Variants in EXOC6B observed in about 807,000 individuals in gnomAD.
EXOC6B encodes exocyst complex component 6B, also known as SEC15 homolog B.
EXOC6B carries 54 observed loss-of-function variants against 113.5 expected under a neutral mutation model. The observed-to-expected ratio is 0.48, with a 90% CI of 0.38 to 0.60. EXOC6B has a LOEUF of 0.60. Among genes scored for constraint, EXOC6B ranks in the 20% least tolerant of loss-of-function variants. EXOC6B has a pLI of 0.00. For missense variants in EXOC6B, 797 were observed against 977.5 expected (o/e 0.82, Z 2.46); for synonymous variants, 357 against 339.0 (o/e 1.05, Z -0.58).
intron 6 of EXOC6B, among the ~76,000 whole-genome samples, chr2:72,604,225 A>G (rs1670613889): frequency 6.6e-6 from 1 of 152,134 alleles, no homozygotes; most frequent in African/African-American, 2.4e-5. Flanking sequence ...AATCTCATAC[A>G]TGCCTAGAGA....
intron 18 of EXOC6B, among the ~76,000 whole-genome samples, chr2:72,393,070 GTTTT>G (rs1204784814): frequency 6.6e-6 from 1 of 151,084 alleles, no homozygotes; most frequent in Non-Finnish European, 1.5e-5. Context: ...TGAAGGTTTG[GTTTT>G]TTTGTTTGTT....
At chr2:72,804,580 C>T (rs1488864014) in intron 1 of EXOC6B, among the ~76,000 whole-genome samples, 5 of 151,788 alleles carry the variant, frequency 3.3e-5, no homozygotes, top group Admixed American at 3.3e-4. Flanking sequence ...TTATCACTTA[C>T]CCTTCATTTA....
intron 19 of EXOC6B, among the ~76,000 whole-genome samples, chr2:72,369,388 C>T (rs1273397366): frequency 1.3e-5 from 2 of 152,202 alleles, no homozygotes; most frequent in African/African-American, 2.4e-5. Flanking sequence ...AAGAACATTT[C>T]GTGCTCATGG....
At chr2:72,797,569 T>C (rs1045876395) in intron 1 of EXOC6B, among the ~76,000 whole-genome samples, 1 of 152,188 alleles carries the variant, frequency 6.6e-6, no homozygotes, top group Non-Finnish European at 1.5e-5. Context: ...ATCCCAGCAC[T>C]TTGGGAGGCC....
intron 6 of EXOC6B, among the ~76,000 whole-genome samples, chr2:72,682,163 G>T (rs1317201835): frequency 6.6e-6 from 1 of 152,032 alleles, no homozygotes; most frequent in African/African-American, 2.4e-5. Context: ...TAAAAAAGGT[G>T]CCAGAAAAAG....
At chr2:72,401,519 ATATACATATATATATATATATATATGTG>A (rs1693182586) in intron 18 of EXOC6B, among the ~76,000 whole-genome samples, 28 of 23,100 alleles carry the variant, frequency 1.2e-3, no homozygotes, top group Non-Finnish European at 1.7e-3. Flanking sequence ...ATATATACAT[ATATACATATATATATATATATATATGTG>A]TATATATATA....
intron 17 of EXOC6B, among the ~76,000 whole-genome samples, chr2:72,473,668 C>T (rs1235034394): frequency 6.6e-6 from 1 of 151,990 alleles, no homozygotes; most frequent in Non-Finnish European, 1.5e-5. Flanking sequence ...AATCAATTTA[C>T]ACCCAAAATT....
At chr2:72,813,935 G>C (rs1255339295) in intron 1 of EXOC6B, among the ~76,000 whole-genome samples, 1 of 152,080 alleles carries the variant, frequency 6.6e-6, no homozygotes, top group Non-Finnish European at 1.5e-5. Context: ...GAGGAGGAAA[G>C]AAACAAAGGC....
intron 5 of EXOC6B, among the ~76,000 whole-genome samples, chr2:72,724,980 T>C (rs753455242): frequency 6.6e-5 from 10 of 152,034 alleles, no homozygotes; most frequent in Non-Finnish European, 1.5e-4. Context: ...CCCAAAATGG[T>C]GATGGGAAAA....
chr2:72,206,676 C>T (rs1679859358), intron 20 of EXOC6B, among the ~76,000 whole-genome samples: 1 of 152,236 alleles, frequency 6.6e-6, no homozygotes, highest in Admixed American at 6.5e-5. Context: ...CCTCAACATA[C>T]TGTGACTAAA....
At chr2:72,706,219 A>G (rs1678864253) in intron 6 of EXOC6B, among the ~76,000 whole-genome samples, 2 of 152,246 alleles carry the variant, frequency 1.3e-5, no homozygotes. Context: ...ACTTGTGAAC[A>G]GATTTCTGGA....
At chr2:72,644,061 C>T (rs559204907) in intron 6 of EXOC6B, among the ~76,000 whole-genome samples, 20 of 152,088 alleles carry the variant, frequency 1.3e-4, no homozygotes, top group South Asian at 2.1e-4. Context: ...AAAGGTTAGA[C>T]GAATGGCTAA....
intron 8 of EXOC6B, among the ~76,000 whole-genome samples, chr2:72,540,585 C>A (rs1702545015): frequency 1.3e-5 from 2 of 152,090 alleles, no homozygotes; most frequent in Non-Finnish European, 2.9e-5. Context: ...GAAAAGTTAA[C>A]ATTTTTCTAA....
At chr2:72,464,769 T>C (rs1437654014) in intron 18 of EXOC6B, 1 of 188,946 alleles carries the variant, frequency 5.3e-6, no homozygotes, top group Non-Finnish European at 1.1e-5. Flanking sequence ...ATAAAAAAGA[T>C]GGAGCATTTC....
At chr2:72,703,878 A>G (rs1207842781) in intron 6 of EXOC6B, among the ~76,000 whole-genome samples, 2 of 149,920 alleles carry the variant, frequency 1.3e-5, no homozygotes, top group African/African-American at 4.9e-5. Flanking sequence ...AACAGGGACA[A>G]TTTGACTCCC....
chr2:72,583,260 G>A (rs533677085), intron 6 of EXOC6B, among the ~76,000 whole-genome samples: 1 of 152,268 alleles, frequency 6.6e-6, no homozygotes, highest in African/African-American at 2.4e-5. Flanking sequence ...AGAAGAAAAA[G>A]TCAACAACCT....
intron 6 of EXOC6B, among the ~76,000 whole-genome samples, chr2:72,616,193 C>A (rs996786947): frequency 6.6e-6 from 1 of 151,900 alleles, no homozygotes; most frequent in African/African-American, 2.4e-5. Flanking sequence ...TTAAAATGGA[C>A]GTACTACCCA....
rs146245148 is a variant in EXOC6B at position 72,312,418 on chromosome 2, T to C, written c.2196+22529A>G. 3.9e-3 allele frequency among the ~76,000 whole-genome samples: 600 copies of C among 152,208 alleles called. 4 individuals carry two copies. Among genetic ancestry groups the C allele is most frequent in the African/African-American group, 0.014 (573 of 41,522 alleles). ...ATCCTGCGTCATAAGCTGAGGATCA[T>C]TAGTAATAGGAAAGATAAAATGCCT... On this transcript the variant is annotated intron_variant, in intron 20 of 21. Coordinates refer to ENST00000272427, the MANE Select transcript of EXOC6B (RefSeq NM_015189.3).
At chr2:72,767,611 A>T (rs540354728) in intron 1 of EXOC6B, among the ~76,000 whole-genome samples, 13 of 150,540 alleles carry the variant, frequency 8.6e-5, no homozygotes, top group South Asian at 4.2e-4. Context: ...GGAGTTTGAG[A>T]CCAACCTGGG....
Sources: gnomAD v4.1 joint callset for allele counts (sites outside exome capture counted in the v4.1 genomes callset) on GRCh38, gnomAD v4.1.1 for gene constraint, MANE v1.5 for transcripts, NCBI Gene and HGNC (gene_info 2026-07-23, HGNC 2026-07-21) for gene names.